Variants in ZNF341 observed in about 807,000 individuals in gnomAD.
The protein encoded by ZNF341 is zinc finger protein 341.
ZNF341 carries 52 observed loss-of-function variants against 87.7 expected under a neutral mutation model. That is an observed-to-expected ratio of 0.59 (90% CI 0.47 to 0.75). The LOEUF is 0.75. Among genes scored for constraint, ZNF341 ranks in the 30% least tolerant of loss-of-function variants. The pLI is 0.00. For synonymous variants in ZNF341, 459 were observed against 472.7 expected, an observed-to-expected ratio of 0.97 and a Z score of 0.38; for missense variants, 977 against 1,145.9, an observed-to-expected ratio of 0.85 and a Z score of 2.13.
At chr20:33,739,738 A>T (rs944809187) in intron 1 of ZNF341, among the ~76,000 whole-genome samples, 1 of 152,190 alleles carries the variant, frequency 6.6e-6, no homozygotes, top group Non-Finnish European at 1.5e-5. Context: ...CATGAGTAAG[A>T]CAGGCCCCAC....
chr20:33,740,109 C>T (rs1330617504), intron 1 of ZNF341, among the ~76,000 whole-genome samples: 3 of 152,152 alleles, frequency 2.0e-5, no homozygotes, highest in Non-Finnish European at 4.4e-5. Flanking sequence ...GGTGCTCTGC[C>T]CGCCTTGGCC....
At chr20:33,758,688 T>C in intron 6 of ZNF341, 28 bp from the exon 7 acceptor site, 6 of 1,599,904 alleles carry the variant, frequency 3.8e-6, no homozygotes, top group Non-Finnish European at 5.1e-6. Context: ...CCCAGCCTCA[T>C]TGTCCCCTCC....
intron 12 of ZNF341, chr20:33,788,594 G>A: frequency 6.3e-6 from 3 of 473,890 alleles, no homozygotes; most frequent in African/African-American, 2.0e-5. Context: ...CTTTGTACCT[G>A]CTTTCCCTGC....
intron 10 of ZNF341, among the ~76,000 whole-genome samples, chr20:33,780,076 G>A (rs1244792210): frequency 1.3e-5 from 2 of 152,154 alleles, no homozygotes; most frequent in African/African-American, 4.8e-5. Context: ...GTGCATCGTG[G>A]GGGGCAACTT....
At chr20:33,750,310 G>A (rs2019026333) in intron 4 of ZNF341, among the ~76,000 whole-genome samples, 1 of 152,218 alleles carries the variant, frequency 6.6e-6, no homozygotes, top group East Asian at 1.9e-4. Flanking sequence ...AGGTGGAGGT[G>A]TTTTACTTCT....
At chr20:33,765,036 C>G (rs1206614395) in intron 8 of ZNF341, among the ~76,000 whole-genome samples, 1 of 152,056 alleles carries the variant, frequency 6.6e-6, no homozygotes, top group African/African-American at 2.4e-5. Flanking sequence ...CTTTGTTGCC[C>G]AGGCTGGTCT....
chr20:33,753,197 C>T lies in ZNF341; in HGVS notation c.515C>T (p.Pro172Leu). The change falls in exon 5 of 15, where the codon CCC becomes CTC. Residue 172 changes from proline (P) to leucine (L), a missense_variant. Transcript: ENST00000375200. ...AGCAGCCTGAACATGCATTCCGTGC[C>T]CAGCTACCTCACCCAGCCTCCACCT... Reference protein sequence around the residue: ...VQSSLNMHSVPSYLTQPPPPP... With the variant: ...VQSSLNMHSVLSYLTQPPPPP... The T allele has an allele frequency of 6.2e-7, 1 of 1,612,106 alleles. No homozygotes were observed. The highest frequency in any genetic ancestry group is 8.5e-7 in the Non-Finnish European group (1 of 1,180,008).
At chr20:33,751,442 C>G (rs2019053086) in intron 4 of ZNF341, among the ~76,000 whole-genome samples, 1 of 152,076 alleles carries the variant, frequency 6.6e-6, no homozygotes, top group South Asian at 2.1e-4. Flanking sequence ...AGTTCTCTGT[C>G]TTGGGGAGGT....
In ZNF341 at chr20:33,791,061, C is replaced by T. The variant is rs760311416; in HGVS notation, c.2109C>T (p.Arg703=). The change falls in exon 15 of 15, where the codon CGC becomes CGT. Residue 703 remains arginine (R), a synonymous_variant. Transcript: ENST00000375200. ...SRRAHLAEHQ[R]AHTGNYKFRC... ...GTGCCCACCTCGCCGAGCATCAGCG[C>T]GCCCACACGGGCAACTACAAGTTCC... is the stretch of plus-strand genomic sequence containing the variant. The T allele has an allele frequency of 2.4e-5, 39 of 1,613,396 alleles. No individual in the cohort carries two copies. The highest frequency in any genetic ancestry group is 4.5e-5 in the East Asian group (2 of 44,902).
chr20:33,751,340 G>A (rs2019051625), intron 4 of ZNF341, among the ~76,000 whole-genome samples: 1 of 152,050 alleles, frequency 6.6e-6, no homozygotes, highest in South Asian at 2.1e-4. Context: ...AGAGGTAGTT[G>A]TACTCATGGC....
At position 33,781,412 on chromosome 20, in the gene ZNF341, G is replaced by A. The variant is rs778962067; in HGVS notation, c.1719+25G>A. On this transcript the variant is annotated intron_variant, in intron 11 of 14. Coordinates refer to ENST00000375200, the MANE Select transcript of ZNF341 (RefSeq NM_001282933.2). Reference sequence around the variant, plus strand: ...GGTGGGTGCCACTGTCCTCTTTTCTGGGGCCTAGGCTATAATAAGGGCAAG... The same window carrying A: ...GGTGGGTGCCACTGTCCTCTTTTCTAGGGCCTAGGCTATAATAAGGGCAAG... 3 of 1,606,112 alleles carry A rather than the reference G, an allele frequency of 1.9e-6. No individual in the cohort carries two copies. The East Asian group carries it at 6.7e-5, about 36-fold the overall frequency.
intron 1 of ZNF341, among the ~76,000 whole-genome samples, chr20:33,733,378 G>A (rs548888822): frequency 8.0e-5 from 12 of 149,884 alleles, no homozygotes; most frequent in African/African-American, 2.5e-4. Context: ...ACAGGCATCC[G>A]CCACCACGCC....
At chr20:33,740,200 C>T (rs1434582787) in intron 1 of ZNF341, among the ~76,000 whole-genome samples, 1 of 152,272 alleles carries the variant, frequency 6.6e-6, no homozygotes, top group Non-Finnish European at 1.5e-5. Flanking sequence ...TAAGGTTGTC[C>T]TTATGATCCA....
chr20:33,777,151 CAA>C (rs58139073), intron 10 of ZNF341, among the ~76,000 whole-genome samples: 5 of 42,972 alleles, frequency 1.2e-4, no homozygotes, highest in African/African-American at 1.7e-4. Context: ...CCGTCTTTAC[CAA>C]AAAAAAAAAA....
intron 2 of ZNF341, among the ~76,000 whole-genome samples, chr20:33,743,399 G>A (rs1286186298): frequency 1.4e-5 from 2 of 145,906 alleles, no homozygotes; most frequent in Admixed American, 7.0e-5. Flanking sequence ...GGAGTGCAGT[G>A]GTGTGATCTC....
At chr20:33,749,113 C>T (rs938244075) in intron 4 of ZNF341, 41 bp downstream of exon 4, 1 of 1,586,672 alleles carries the variant, frequency 6.3e-7, no homozygotes, top group African/African-American at 1.3e-5. Flanking sequence ...TGATTCCAGA[C>T]CTGTACATTA....
chr20:33,747,571 C>T (rs1171345041), intron 3 of ZNF341, among the ~76,000 whole-genome samples: 4 of 125,344 alleles, frequency 3.2e-5, no homozygotes, highest in Non-Finnish European at 6.1e-5. Flanking sequence ...GCCGAGGTCC[C>T]GCCACTGCAC....
At chr20:33,784,627 T>C (rs1350698652) in intron 12 of ZNF341, among the ~76,000 whole-genome samples, 1 of 150,416 alleles carries the variant, frequency 6.6e-6, no homozygotes, top group Admixed American at 6.6e-5. Flanking sequence ...TTTTTTTTTT[T>C]TCTTTGAGAC....
At chr20:33,735,647 A>G (rs1353916507) in intron 1 of ZNF341, among the ~76,000 whole-genome samples, 2 of 152,148 alleles carry the variant, frequency 1.3e-5, no homozygotes, top group African/African-American at 4.8e-5. Context: ...TTATTTTGAA[A>G]TCACTTTTTC....
Sources: gnomAD v4.1 joint callset for allele counts (sites outside exome capture counted in the v4.1 genomes callset) on GRCh38, gnomAD v4.1.1 for gene constraint, MANE v1.5 for transcripts, NCBI Gene and HGNC (gene_info 2026-07-23, HGNC 2026-07-21) for gene names.